MRTFB: variants seen among roughly 807,000 people sequenced by gnomAD.
MRTFB encodes myocardin related transcription factor B, also known as myocardin-related transcription factor B.
MRTFB carries 29 observed loss-of-function variants against 104.2 expected under a neutral mutation model. That is an observed-to-expected ratio of 0.28 (90% CI 0.21 to 0.38). MRTFB has a LOEUF of 0.38. Among genes scored for constraint, MRTFB ranks in the 10% least tolerant of loss-of-function variants. The pLI is 1.00. For missense variants in MRTFB, 1,270 were observed against 1,341.6 expected (o/e 0.95, Z 0.83); for synonymous variants, 535 against 519.5 (o/e 1.03, Z -0.41).
intron 2 of MRTFB, among the ~76,000 whole-genome samples, chr16:14,097,912 G>A (rs752874714): frequency 6.6e-6 from 1 of 152,172 alleles, no homozygotes; most frequent in Non-Finnish European, 1.5e-5. Context: ...TACATCAATA[G>A]TTCATTTCTT....
intron 3 of MRTFB, chr16:14,192,030 T>C (rs1567436123): frequency 6.6e-6 from 1 of 152,160 alleles, no homozygotes; most frequent in Non-Finnish European, 1.5e-5. Context: ...TCTGCCGACA[T>C]TCTACTAATT....
intron 9 of MRTFB, among the ~76,000 whole-genome samples, chr16:14,238,610 G>T (rs1036548801): frequency 6.6e-6 from 1 of 152,186 alleles, no homozygotes; most frequent in African/African-American, 2.4e-5. Flanking sequence ...CAATGAAGTC[G>T]AGGAACTAAG....
At chr16:14,127,437 T>C (rs1195838935) in intron 2 of MRTFB, among the ~76,000 whole-genome samples, 2 of 151,762 alleles carry the variant, frequency 1.3e-5, no homozygotes, top group African/African-American at 4.8e-5. Flanking sequence ...GGTCAGGAGA[T>C]AGAGACCATC....
the MRTFB span, among the ~76,000 whole-genome samples, chr16:14,044,938 G>T: frequency 6.6e-6 from 1 of 152,116 alleles, no homozygotes; most frequent in Non-Finnish European, 1.5e-5. Context: ...GACAGCTGGT[G>T]GTCAACTTAG....
chr16:14,037,756 T>C, the MRTFB span, among the ~76,000 whole-genome samples: 1 of 151,752 alleles, frequency 6.6e-6, no homozygotes, highest in Admixed American at 6.6e-5. Context: ...AGGGCAGAGG[T>C]TCCTCACTTA....
intron 2 of MRTFB, among the ~76,000 whole-genome samples, chr16:14,099,494 C>T (rs1404522052): frequency 1.3e-5 from 2 of 149,360 alleles, no homozygotes; most frequent in African/African-American, 4.9e-5. Flanking sequence ...TCCTAAGAAG[C>T]TGGAACCACA....
intron 3 of MRTFB, among the ~76,000 whole-genome samples, chr16:14,181,586 G>C (rs1334181063): frequency 2.0e-5 from 3 of 152,114 alleles, no homozygotes; most frequent in Non-Finnish European, 4.4e-5. Flanking sequence ...TACCAGAAAA[G>C]TATGCCTCAA....
intron 8 of MRTFB, among the ~76,000 whole-genome samples, chr16:14,222,722 C>G (rs1018680393): frequency 6.6e-6 from 1 of 151,750 alleles, no homozygotes; most frequent in Non-Finnish European, 1.5e-5. Flanking sequence ...CCTTGAACAT[C>G]AGTGATCATT....
chr16:14,171,698 T>C (rs543553843), intron 3 of MRTFB, among the ~76,000 whole-genome samples: 13 of 152,320 alleles, frequency 8.5e-5, no homozygotes, highest in African/African-American at 2.9e-4. Flanking sequence ...CCACAATATA[T>C]TTTATGTGTT....
rs369988783 is a variant in MRTFB at position 14,205,954 on chromosome 16, T to G, written c.155-4289T>G. On this transcript the variant is annotated intron_variant, in intron 3 of 16. Transcript: ENST00000571589. Reference sequence around the variant, plus strand: ...CTGCAGGAAAACAGTACCAGGCCAGTGTCTAGTCTTTGGTTGCAGCTACAG... The same window carrying G: ...CTGCAGGAAAACAGTACCAGGCCAGGGTCTAGTCTTTGGTTGCAGCTACAG... Among the ~76,000 whole-genome samples the G allele has an allele frequency of 4.1e-4, 63 of 152,306 alleles. 1 individual carries two copies. The South Asian group carries it at 0.012, about 30-fold the overall frequency.
the MRTFB span, among the ~76,000 whole-genome samples, chr16:14,034,383 G>A: frequency 6.6e-6 from 1 of 152,214 alleles, no homozygotes; most frequent in African/African-American, 2.4e-5. Flanking sequence ...GGAGGCCAAG[G>A]TGGGCGGATC....
chr16:14,006,430 C>T, the MRTFB span, among the ~76,000 whole-genome samples: 1 of 151,712 alleles, frequency 6.6e-6, no homozygotes, highest in East Asian at 1.9e-4. Context: ...GCATAAGAAT[C>T]GCTTGACCAG....
At chr16:14,052,196 G>T in the MRTFB span, among the ~76,000 whole-genome samples, 1 of 152,142 alleles carries the variant, frequency 6.6e-6, no homozygotes, top group Admixed American at 6.6e-5. Flanking sequence ...TTGTTGGGAG[G>T]ATTACATGAA....
chr16:14,137,148 T>C (rs563743929), intron 2 of MRTFB, among the ~76,000 whole-genome samples: 251 of 152,284 alleles, frequency 1.6e-3, no homozygotes, highest in Non-Finnish European at 3.1e-3. Flanking sequence ...TTGGATCTTA[T>C]TTTCAAAAGA....
chr16:14,069,465 CA>C (rs2033568617), upstream of MRTFB, among the ~76,000 whole-genome samples: 1 of 152,170 alleles, frequency 6.6e-6, no homozygotes, highest in Non-Finnish European at 1.5e-5. Context: ...TGCCATCATA[CA>C]TCCCCTCTTA....
chr16:14,142,297 A>G (rs1425430790), intron 3 of MRTFB: 1 of 133,354 alleles, frequency 7.5e-6, no homozygotes, highest in Admixed American at 8.7e-5. Context: ...CCCAGGCTGG[A>G]GTGCAGTGGC....
Position 14,241,635 on chromosome 16 carries a change from C to T in MRTFB, c.1079+1151C>T, listed in dbSNP as rs137973515. ...GTAGAAACTTCTGCTTTCTACATGT[C>T]GCGTAAGCATTCCCTCATAGGTAGC... On this transcript the variant is annotated intron_variant, in intron 10 of 16. Coordinates refer to ENST00000571589, the MANE Select transcript of MRTFB (RefSeq NM_001308142.2). 4.6e-3 allele frequency among the ~76,000 whole-genome samples: 695 copies of T among 150,264 alleles called. 2 individuals are homozygous for T. The highest frequency in any genetic ancestry group is 8.5e-3 in the Admixed American group (130 of 15,256).
At chr16:14,035,120 A>G in the MRTFB span, among the ~76,000 whole-genome samples, 6 of 152,338 alleles carry the variant, frequency 3.9e-5, no homozygotes, top group Non-Finnish European at 7.4e-5. Flanking sequence ...AACCACGAGT[A>G]GTGGAAGTCA....
the MRTFB span, among the ~76,000 whole-genome samples, chr16:14,012,122 A>G: frequency 6.6e-6 from 1 of 152,058 alleles, no homozygotes; most frequent in African/African-American, 2.4e-5. Flanking sequence ...TGGGAGGGAA[A>G]AGTGAAAATC....
Sources: gnomAD v4.1 joint callset for allele counts (sites outside exome capture counted in the v4.1 genomes callset) on GRCh38, gnomAD v4.1.1 for gene constraint, MANE v1.5 for transcripts, NCBI Gene and HGNC (gene_info 2026-07-23, HGNC 2026-07-21) for gene names.